FSTL5: variants seen among roughly 807,000 people sequenced by gnomAD.
FSTL5 encodes follistatin like 5, also known as follistatin-related protein 5.
In FSTL5, 62 loss-of-function variants were observed where a neutral mutation model predicts 89.1. The ratio of observed to expected loss-of-function variants is 0.70; its 90% CI spans 0.57 to 0.86. The LOEUF (loss-of-function observed/expected upper bound fraction) is 0.86, where lower values mean the gene tolerates loss of function less well. Ranked by LOEUF, FSTL5 falls within the 40% of genes least tolerant of loss-of-function variation. FSTL5 has a pLI of 0.00. For missense variants in FSTL5, 1,057 were observed against 1,001.6 expected, an observed-to-expected ratio of 1.06 and a Z score of -0.75; for synonymous variants, 383 against 346.2, an observed-to-expected ratio of 1.11 and a Z score of -1.18.
chr4:161,545,100 T>G (rs1731961447), intron 8 of FSTL5, among the ~76,000 whole-genome samples: 1 of 152,056 alleles, frequency 6.6e-6, no homozygotes, highest in Non-Finnish European at 1.5e-5. Flanking sequence ...CTGATTATCT[T>G]CCTGACTAGA....
intron 6 of FSTL5, among the ~76,000 whole-genome samples, chr4:161,728,024 T>C (rs1383925478): frequency 6.6e-6 from 1 of 152,080 alleles, no homozygotes; most frequent in Non-Finnish European, 1.5e-5. Context: ...CCAAATGTGT[T>C]GAATCAAAAT....
At chr4:162,008,680 A>G (rs1427152246) in intron 3 of FSTL5, among the ~76,000 whole-genome samples, 2 of 151,900 alleles carry the variant, frequency 1.3e-5, no homozygotes, top group Non-Finnish European at 2.9e-5. Context: ...GGAAATAGAC[A>G]CCATTATTAA....
chr4:162,030,068 T>TTTTA (rs894382210), intron 3 of FSTL5, among the ~76,000 whole-genome samples: 3 of 151,982 alleles, frequency 2.0e-5, no homozygotes, highest in South Asian at 2.1e-4. Flanking sequence ...CTGGCTAATT[T>TTTTA]TTTATTTATT....
chr4:161,441,237 G>C (rs1343301290), intron 15 of FSTL5, among the ~76,000 whole-genome samples: 1 of 152,056 alleles, frequency 6.6e-6, no homozygotes, highest in East Asian at 1.9e-4. Flanking sequence ...TCCACGTTTT[G>C]TTTGCTGAAG....
intron 6 of FSTL5, among the ~76,000 whole-genome samples, chr4:161,710,061 T>A (rs1240577107): frequency 6.6e-6 from 1 of 152,018 alleles, no homozygotes; most frequent in African/African-American, 2.4e-5. Context: ...CTTTACTTCC[T>A]GGGGTCAAGC....
intron 6 of FSTL5, among the ~76,000 whole-genome samples, chr4:161,703,424 T>A (rs1281655769): frequency 6.6e-6 from 1 of 152,150 alleles, no homozygotes; most frequent in African/African-American, 2.4e-5. Context: ...CAAGATTTGT[T>A]CCTGGTGGTC....
chr4:161,456,218 T>C (rs1733346221), intron 14 of FSTL5, among the ~76,000 whole-genome samples: 1 of 152,182 alleles, frequency 6.6e-6, no homozygotes, highest in Admixed American at 6.5e-5. Flanking sequence ...ATTGTGAAAT[T>C]TGTGGATTAC....
intron 4 of FSTL5, among the ~76,000 whole-genome samples, chr4:161,899,204 A>G (rs543307377): frequency 6.6e-6 from 1 of 152,282 alleles, no homozygotes; most frequent in African/African-American, 2.4e-5. Context: ...TTTCCACTAG[A>G]CAGAGACATG....
rs5863476 is a variant in FSTL5 at position 161,693,636 on chromosome 4, CTTTTTTTTTT to C, written c.728-37152_728-37143del. On this transcript the variant is annotated intron_variant, in intron 6 of 15. Transcript: ENST00000306100. ...ATGTTGATAGTATTTTCTTGTAAATCTTTTTTTTTTTTTTTTTTTTGAGACAGAGTCTCAC... is the reference window on the plus strand; with the variant it reads ...ATGTTGATAGTATTTTCTTGTAAATCTTTTTTTTTTGAGACAGAGTCTCAC... Among the ~76,000 whole-genome samples the C allele has an allele frequency of 9.5e-5, 10 of 105,288 alleles. No homozygotes were observed. In the Admixed American group the frequency reaches 1.3e-3, roughly 13 times the overall value. The allele number at this position is 105,288 out of a possible 152,430, so 69.1% of individuals were successfully genotyped here.
intron 13 of FSTL5, among the ~76,000 whole-genome samples, chr4:161,472,181 G>C (rs187105738): frequency 0.011 from 1,610 of 152,142 alleles, 26 homozygotes; most frequent in African/African-American, 0.037. Context: ...GTTTCACCGT[G>C]TTAGCCAGGA....
chr4:161,508,323 G>A (rs1199391283), intron 11 of FSTL5, among the ~76,000 whole-genome samples: 3 of 151,982 alleles, frequency 2.0e-5, no homozygotes, highest in Non-Finnish European at 2.9e-5. Flanking sequence ...TTTTTAAAAT[G>A]TTTCCTATTA....
intron 3 of FSTL5, among the ~76,000 whole-genome samples, chr4:161,949,285 C>T (rs987126370): frequency 6.6e-6 from 1 of 152,140 alleles, no homozygotes; most frequent in Non-Finnish European, 1.5e-5. Flanking sequence ...CTCCCCATTT[C>T]CATATCCTTC....
At chr4:161,925,802 A>C (rs545298115) in intron 3 of FSTL5, among the ~76,000 whole-genome samples, 1 of 151,998 alleles carries the variant, frequency 6.6e-6, no homozygotes, top group African/African-American at 2.4e-5. Context: ...TATTATTATA[A>C]GCATTGGAAA....
intron 4 of FSTL5, among the ~76,000 whole-genome samples, chr4:161,857,750 T>C (rs996768253): frequency 1.1e-4 from 16 of 152,210 alleles, no homozygotes; most frequent in African/African-American, 3.4e-4. Flanking sequence ...TGGAAGACTA[T>C]GGAAAGAGTA....
chr4:161,981,738 G>T (rs1242099978), intron 3 of FSTL5, among the ~76,000 whole-genome samples: 1 of 152,020 alleles, frequency 6.6e-6, no homozygotes, highest in Non-Finnish European at 1.5e-5. Flanking sequence ...CTTGGACTTT[G>T]CCTTCAATTT....
chr4:161,909,495 T>A (rs889354576), intron 4 of FSTL5, among the ~76,000 whole-genome samples: 1 of 152,134 alleles, frequency 6.6e-6, no homozygotes. Context: ...TCAGCACTGC[T>A]AGAATTCCTA....
intron 6 of FSTL5, among the ~76,000 whole-genome samples, chr4:161,681,168 C>G (rs547672419): frequency 3.9e-5 from 6 of 152,054 alleles, no homozygotes; most frequent in African/African-American, 9.6e-5. Flanking sequence ...TGAATATAAT[C>G]TTATAAAACA....
rs56028301 is a variant in FSTL5, at chr4:161,592,585, G to T, written c.895-5010C>A. Among the ~76,000 whole-genome samples the T allele has an allele frequency of 3.9e-5, 6 of 152,010 alleles. No individual in the cohort carries two copies. In the East Asian group the frequency reaches 5.8e-4, roughly 15 times the overall value. ...GATGGTTTCCAGCTTCATCCATGTC[G>T]CTGCAAAGGACATGAACTCATCCTT... On this transcript the variant is annotated intron_variant, in intron 7 of 15. Transcript: ENST00000306100.
chr4:162,132,561 C>G (rs1017278442), intron 1 of FSTL5, among the ~76,000 whole-genome samples: 1 of 152,124 alleles, frequency 6.6e-6, no homozygotes, highest in South Asian at 2.1e-4. Context: ...AAGTCAGTGA[C>G]ACCAAGAACC....
Sources: gnomAD v4.1 joint callset for allele counts (sites outside exome capture counted in the v4.1 genomes callset) on GRCh38, gnomAD v4.1.1 for gene constraint, MANE v1.5 for transcripts, NCBI Gene and HGNC (gene_info 2026-07-23, HGNC 2026-07-21) for gene names.